PTPRD: variants seen among roughly 807,000 people sequenced by gnomAD.
The protein encoded by PTPRD is protein tyrosine phosphatase receptor type D, also known as receptor-type tyrosine-protein phosphatase delta.
Under a neutral mutation model 214.5 loss-of-function variants are expected in PTPRD, and 34 were observed. The ratio of observed to expected loss-of-function variants is 0.16; its 90% CI spans 0.12 to 0.21. The LOEUF (loss-of-function observed/expected upper bound fraction) is 0.21, where lower values mean the gene tolerates loss of function less well. Ranked by LOEUF, PTPRD falls within the 10% of genes least tolerant of loss-of-function variation. The probability of loss-of-function intolerance (pLI) is 1.00; values close to 1 mark genes in which losing one functional copy is unlikely to be tolerated. For missense variants in PTPRD, 2,545 were observed against 2,398.7 expected (o/e 1.06, Z -1.27); for synonymous variants, 1,128 against 845.7 (o/e 1.33, Z -5.79).
At chr9:9,700,626 A>G (rs1166831396) in intron 7 of PTPRD, among the ~76,000 whole-genome samples, 1 of 152,110 alleles carries the variant, frequency 6.6e-6, no homozygotes, top group African/African-American at 2.4e-5. Flanking sequence ...AATTTCAATA[A>G]TTCAATGTAT....
At chr9:8,640,590 AGGGCTCTTAAATTTATTCTTTG>A (rs2096554416) in intron 12 of PTPRD, among the ~76,000 whole-genome samples, 1 of 150,936 alleles carries the variant, frequency 6.6e-6, no homozygotes. Context: ...AAAACCTAAA[AGGGCTCTTAAATTTATTCTTTG>A]AAAACAAGAA....
chr9:9,502,209 T>C (rs1028367374), intron 8 of PTPRD, among the ~76,000 whole-genome samples: 1 of 151,896 alleles, frequency 6.6e-6, no homozygotes, highest in Non-Finnish European at 1.5e-5. Flanking sequence ...GTACGTTAGA[T>C]CTCTAGGACT....
intron 14 of PTPRD, among the ~76,000 whole-genome samples, chr9:8,552,050 T>TA (rs1435255177): frequency 6.6e-6 from 1 of 152,160 alleles, no homozygotes; most frequent in Non-Finnish European, 1.5e-5. Flanking sequence ...CCACCATATA[T>TA]TTTAAAGGAA....
chr9:9,806,203 G>C lies in PTPRD; in HGVS notation c.-367-39352C>G, dbSNP rs960850512. Among the ~76,000 whole-genome samples, 22 of 152,124 alleles carry C rather than the reference G, an allele frequency of 1.4e-4. No homozygotes were observed. The Middle Eastern group carries it at 0.01, about 71-fold the overall frequency. ...TCCAATTCACCCCCAGGAATGTCAGGCAACCATCAGAAGATGGTCAGGCCG... is the reference window on the plus strand; with the variant it reads ...TCCAATTCACCCCCAGGAATGTCAGCCAACCATCAGAAGATGGTCAGGCCG... On this transcript the variant is annotated intron_variant, in intron 5 of 45. Coordinates refer to ENST00000381196, the MANE Select transcript of PTPRD (RefSeq NM_002839.4).
chr9:8,324,346 C>T (rs566090055), intron 44 of PTPRD, among the ~76,000 whole-genome samples: 13 of 152,222 alleles, frequency 8.5e-5, no homozygotes, highest in South Asian at 2.1e-4. Context: ...TGAGAATATG[C>T]GGCGTTTGAT....
At chr9:8,347,698 G>C (rs1033808114) in intron 39 of PTPRD, among the ~76,000 whole-genome samples, 3 of 152,168 alleles carry the variant, frequency 2.0e-5, no homozygotes, top group African/African-American at 7.2e-5. Context: ...GTTACATGAA[G>C]TCACAAGGTG....
intron 9 of PTPRD, among the ~76,000 whole-genome samples, chr9:9,214,146 G>A (rs1353989200): frequency 1.3e-5 from 2 of 152,250 alleles, no homozygotes; most frequent in East Asian, 3.9e-4. Flanking sequence ...CTAAGGAGAA[G>A]TGCAAAGTAT....
chr9:8,801,852 G>A (rs1314009158), intron 11 of PTPRD, among the ~76,000 whole-genome samples: 1 of 152,088 alleles, frequency 6.6e-6, no homozygotes, highest in Non-Finnish European at 1.5e-5. Context: ...AACCCTTAAT[G>A]GTATTACCAC....
chr9:8,929,787 ATATATGTGTGTGTATATATGTG>A (rs1567061907), intron 11 of PTPRD, among the ~76,000 whole-genome samples: 1 of 123,440 alleles, frequency 8.1e-6, no homozygotes, highest in African/African-American at 3.1e-5. Context: ...ATGGGTGTGT[ATATATGTGTGTGTATATATGTG>A]TATATATATG....
intron 3 of PTPRD, among the ~76,000 whole-genome samples, chr9:10,196,410 T>A (rs1461120429): frequency 1.3e-5 from 2 of 152,124 alleles, no homozygotes; most frequent in East Asian, 3.9e-4. Context: ...GAAGTATTAG[T>A]TCCCACTACC....
At chr9:9,445,928 T>C (rs947442705) in intron 8 of PTPRD, among the ~76,000 whole-genome samples, 1 of 152,190 alleles carries the variant, frequency 6.6e-6, no homozygotes, top group Non-Finnish European at 1.5e-5. Flanking sequence ...CTTAGCACAG[T>C]TGTGCAGAAC....
chr9:8,634,492 C>T (rs1319684345), intron 13 of PTPRD, among the ~76,000 whole-genome samples: 1 of 151,982 alleles, frequency 6.6e-6, no homozygotes, highest in African/African-American at 2.4e-5. Context: ...AGAGGAAGGA[C>T]ATTCATATTT....
intron 2 of PTPRD, among the ~76,000 whole-genome samples, chr9:10,557,356 C>G (rs180841349): frequency 1.3e-5 from 2 of 152,188 alleles, no homozygotes; most frequent in African/African-American, 4.8e-5. Context: ...GAGTGAATAC[C>G]TGTCTCCAAC....
At chr9:9,039,701 G>T (rs1382771014) in intron 10 of PTPRD, among the ~76,000 whole-genome samples, 1 of 152,142 alleles carries the variant, frequency 6.6e-6, no homozygotes, top group Non-Finnish European at 1.5e-5. Flanking sequence ...TTGATTTCAT[G>T]CTCACCCAAC....
At chr9:9,719,282 C>A (rs570214522) in intron 7 of PTPRD, among the ~76,000 whole-genome samples, 1 of 152,232 alleles carries the variant, frequency 6.6e-6, no homozygotes. Context: ...TGTTCAACCT[C>A]CAGTTGTCCA....
chr9:8,892,557 GTATATATGTGTGTA>G (rs1476805976), intron 11 of PTPRD, among the ~76,000 whole-genome samples: 14 of 147,576 alleles, frequency 9.5e-5, no homozygotes, highest in Admixed American at 1.4e-4. Flanking sequence ...ATATATGTGT[GTATATATGTGTGTA>G]TATATATGTG....
chr9:9,390,915 G>C (rs1225102041), intron 9 of PTPRD, among the ~76,000 whole-genome samples: 1 of 152,146 alleles, frequency 6.6e-6, no homozygotes, highest in Non-Finnish European at 1.5e-5. Context: ...GCAAGTGTTT[G>C]TTGTCATTGA....
At chr9:8,515,604 G>C (rs959637639) in intron 21 of PTPRD, among the ~76,000 whole-genome samples, 5 of 152,160 alleles carry the variant, frequency 3.3e-5, no homozygotes, top group African/African-American at 1.2e-4. Flanking sequence ...TTGGGCATAG[G>C]CATGCTTTTG....
chr9:9,596,106 T>C (rs1342940968), intron 7 of PTPRD, among the ~76,000 whole-genome samples: 2 of 151,990 alleles, frequency 1.3e-5, no homozygotes, highest in Non-Finnish European at 2.9e-5. Context: ...AGTACCCATA[T>C]GTGTGCAAAG....
Sources: allele counts gnomAD v4.1 joint callset (sites outside exome capture counted in the v4.1 genomes callset), GRCh38; gene constraint gnomAD v4.1.1; transcripts MANE v1.5; gene names NCBI Gene and HGNC (gene_info 2026-07-23, HGNC 2026-07-21).